SHPRH: variants seen among roughly 807,000 people sequenced by gnomAD.
The protein encoded by SHPRH is SNF2 histone linker PHD RING helicase.
In SHPRH, 106 loss-of-function variants were observed where a neutral mutation model predicts 202.5. That is an observed-to-expected ratio of 0.52 (90% confidence interval 0.45 to 0.62). SHPRH has a LOEUF of 0.62. Among genes scored for constraint, SHPRH ranks in the 20% least tolerant of loss-of-function variants. The probability of loss-of-function intolerance (pLI) is 0.00; values close to 1 mark genes in which losing one functional copy is unlikely to be tolerated. For synonymous variants in SHPRH, 729 were observed against 686.0 expected, an observed-to-expected ratio of 1.06 and a Z score of -0.98; for missense variants, 1,710 against 2,020.0, an observed-to-expected ratio of 0.85 and a Z score of 2.94.
chr6:145,922,884 G>T, intron 18 of SHPRH, 48 bp from the exon 19 acceptor site: 1 of 1,465,580 alleles, frequency 6.8e-7, no homozygotes, highest in South Asian at 1.5e-5. Context: ...AAGAATAATA[G>T]GTCAATTTCC....
At chr6:145,934,230 G>A (rs59951042) in intron 13 of SHPRH, among the ~76,000 whole-genome samples, 3,718 of 152,076 alleles carry the variant, frequency 0.024, 156 homozygotes, top group African/African-American at 0.084. Context: ...CCAGCACGAG[G>A]CTGAGAGGGG....
intron 14 of SHPRH, among the ~76,000 whole-genome samples, chr6:145,928,284 G>A (rs894511009): frequency 2.0e-5 from 3 of 151,734 alleles, no homozygotes; most frequent in Non-Finnish European, 4.4e-5. Context: ...TTAATGGCTT[G>A]AATAATAGAA....
chr6:145,935,093 T>A lies in SHPRH; in HGVS notation c.2804A>T (p.His935Leu). 1 of 1,613,340 alleles carries A rather than the reference T, an allele frequency of 6.2e-7. No individual in the cohort carries two copies. Residue 935 changes from histidine (H) to leucine (L), a missense_variant, in exon 13 of 30, where the codon CAC becomes CTC. Transcript: ENST00000275233. ...HFSPVERHFY[H>L]RQHEVCCQDV... ...CTGGCAGCACACCTCATGCTGACGG[T>A]GATAGAAATGCCTTTCCACTGGAGA...
In SHPRH at chr6:145,913,876, C is replaced by T. The variant is rs565169856; in HGVS notation, c.4255-327G>A. On this transcript the variant is annotated intron_variant, in intron 23 of 29. Coordinates refer to ENST00000275233, the MANE Select transcript of SHPRH (RefSeq NM_001042683.3). The stretch of plus-strand genomic sequence containing the variant: ...ACATGACAATCAAGGTAAATGTTCA[C>T]TGGAGCATTTCAGGTAACAGATTTT... 8.5e-5 allele frequency among the ~76,000 whole-genome samples: 13 copies of T among 152,228 alleles called. No individual in the cohort carries two copies. In the South Asian group the frequency reaches 1.9e-3, roughly 22 times the overall value.
intron 25 of SHPRH, 72 bp downstream of exon 25, chr6:145,910,376 T>C: frequency 6.6e-7 from 1 of 1,526,398 alleles, no homozygotes; most frequent in Non-Finnish European, 8.9e-7. Context: ...TGTTCATGCT[T>C]TCTTAATCAG....
At chr6:145,946,371 A>G in intron 6 of SHPRH, 30 bp from the exon 7 acceptor site, 1 of 1,534,694 alleles carries the variant, frequency 6.5e-7, no homozygotes, top group Non-Finnish European at 8.9e-7. Context: ...GTAGTTACAC[A>G]GTGTTTTGCT....
intron 2 of SHPRH, among the ~76,000 whole-genome samples, chr6:145,867,627 TATATAGAGAG>T (rs1415780206): frequency 2.2e-3 from 117 of 53,782 alleles, no homozygotes; most frequent in African/African-American, 2.7e-3. Flanking sequence ...TATATATATA[TATATAGAGAG>T]AGAGAGAGAG....
intron 5 of SHPRH, 140 bp downstream of exon 5, chr6:145,948,132 C>A: frequency 1.9e-6 from 1 of 536,586 alleles, no homozygotes; most frequent in Admixed American, 3.6e-5. Context: ...TCTATCCTAT[C>A]CATAGATATG....
intron 23 of SHPRH, among the ~76,000 whole-genome samples, chr6:145,914,099 T>G (rs1783733886): frequency 6.6e-6 from 1 of 152,134 alleles, no homozygotes; most frequent in African/African-American, 2.4e-5. Context: ...ACCTACAAAT[T>G]TAGTGGCTTA....
downstream of SHPRH, chr6:145,883,226 TA>T (rs1013124341): frequency 1.3e-5 from 2 of 152,176 alleles, no homozygotes; most frequent in Non-Finnish European, 2.9e-5. Flanking sequence ...TAAGCTGCAA[TA>T]AAAATTTGGT....
intron 18 of SHPRH, 114 bp from the exon 19 acceptor site, chr6:145,922,950 T>G (rs1784552355): frequency 5.4e-6 from 7 of 1,289,390 alleles, no homozygotes; most frequent in Non-Finnish European, 7.1e-6. Flanking sequence ...TTGCTGTTTT[T>G]TTTTTTTTTA....
At chr6:145,950,556 G>A (rs1451429968) in intron 3 of SHPRH, 74 bp from the exon 4 acceptor site, 2 of 1,430,266 alleles carry the variant, frequency 1.4e-6, no homozygotes, top group Non-Finnish European at 1.9e-6. Flanking sequence ...TATTCTAAGA[G>A]CATACAATGA....
chr6:145,923,627 C>T lies in SHPRH; in HGVS notation c.3545+16G>A, dbSNP rs1407807230. 4 of 1,606,912 alleles carry T rather than the reference C, an allele frequency of 2.5e-6. No homozygotes were observed. In the Admixed American group the frequency reaches 5.1e-5, roughly 21 times the overall value. On this transcript the variant is annotated intron_variant, in intron 18 of 29. Transcript: ENST00000275233. Reference sequence around the variant, plus strand: ...TTAAAATTATGAGTAGATACTTTTTCTTCCTGTTTTCTTACTTCTCTGACA... The same window carrying T: ...TTAAAATTATGAGTAGATACTTTTTTTTCCTGTTTTCTTACTTCTCTGACA...
In SHPRH at chr6:145,943,718, T is replaced by C. The variant is rs1787055840; in HGVS notation, c.1663A>G (p.Thr555Ala). The C allele has an allele frequency of 6.2e-7, 1 of 1,611,724 alleles. No individual in the cohort carries two copies. Among genetic ancestry groups the C allele is most frequent in the Non-Finnish European group, 8.5e-7 (1 of 1,178,368 alleles). The change falls in exon 9 of 30, where the codon ACC becomes GCC. Residue 555 changes from threonine (T) to alanine (A), a missense_variant. By Grantham distance (58) the Thr-to-Ala change is moderately conservative. This residue lies in a region of SHPRH where 348 missense variants were observed against 356.9 expected (regional missense o/e 0.97). Coordinates refer to ENST00000275233, the MANE Select transcript of SHPRH (RefSeq NM_001042683.3). ...DTDSEYLPSD[T>A]SDDDDDPYYY... The stretch of plus-strand genomic sequence containing the variant: ...TAAGGATCATCATCATCATCAGAGG[T>C]GTCTGATGGCAAGTATTCAGAATCT...
chr6:145,917,978 T>C (rs1034984327), intron 23 of SHPRH, 153 bp downstream of exon 23: 15 of 475,916 alleles, frequency 3.2e-5, no homozygotes, highest in Non-Finnish European at 5.2e-5. Flanking sequence ...TTTTGTGATC[T>C]CTGAAGCTAT....
intron 15 of SHPRH, among the ~76,000 whole-genome samples, chr6:145,926,551 C>T (rs1784897366): frequency 6.6e-6 from 1 of 151,898 alleles, no homozygotes; most frequent in Admixed American, 6.6e-5. Context: ...CCTCTCCCTC[C>T]ACTTTTCCAT....
At chr6:145,910,987 A>G (rs555844601) in intron 24 of SHPRH, among the ~76,000 whole-genome samples, 1 of 152,162 alleles carries the variant, frequency 6.6e-6, no homozygotes, top group Non-Finnish European at 1.5e-5. Flanking sequence ...ATCATACTCG[A>G]TATGTTCCAT....
chr6:145,958,415 A>C (rs1046327534), intron 1 of SHPRH, among the ~76,000 whole-genome samples: 4 of 152,292 alleles, frequency 2.6e-5, no homozygotes, highest in African/African-American at 9.6e-5. Flanking sequence ...AAAATGATAA[A>C]TTATAAAGTG....
intron 12 of SHPRH, 57 bp downstream of exon 12, chr6:145,935,221 C>A (rs1021935734): frequency 6.2e-7 from 1 of 1,601,164 alleles, no homozygotes; most frequent in Non-Finnish European, 8.5e-7. Flanking sequence ...ATCTTTCCAT[C>A]CCAATTGTTT....
Sources: gnomAD v4.1 joint callset for allele counts (sites outside exome capture counted in the v4.1 genomes callset) on GRCh38, gnomAD v4.1.1 for gene constraint, gnomAD v4.1.1 regional missense constraint, MANE v1.5 for transcripts, NCBI Gene and HGNC (gene_info 2026-07-23, HGNC 2026-07-21) for gene names.